RNF144A: variants seen among roughly 807,000 people sequenced by gnomAD.
RNF144A encodes ring finger protein 144A.
In RNF144A, 11 loss-of-function variants were observed where a neutral mutation model predicts 38.7. The observed-to-expected ratio is 0.28, with a 90% CI of 0.18 to 0.47. RNF144A has a LOEUF of 0.47. Ranked by LOEUF, RNF144A falls within the 20% of genes least tolerant of loss-of-function variation. The pLI, the probability that RNF144A is intolerant of heterozygous loss-of-function variation, is 0.99. For missense variants in RNF144A, 316 were observed against 377.2 expected (o/e 0.84, Z 1.34); for synonymous variants, 149 against 143.9 (o/e 1.04, Z -0.25).
At chr2:7,038,476 A>C (rs1672823728) in intron 8 of RNF144A, among the ~76,000 whole-genome samples, 1 of 152,036 alleles carries the variant, frequency 6.6e-6, no homozygotes, top group Non-Finnish European at 1.5e-5. Context: ...AGATGTATGC[A>C]CCTCTGTATT....
At chr2:7,072,520 A>G (rs1156650954), downstream of RNF144A, among the ~76,000 whole-genome samples, 2 of 152,236 alleles carry the variant, frequency 1.3e-5, no homozygotes, top group African/African-American at 4.8e-5. Flanking sequence ...ATGCACTTCT[A>G]TAAAAGGCCT....
chr2:7,056,755 C>A (rs1423348733), intron 6 of RNF144A, among the ~76,000 whole-genome samples: 1 of 152,068 alleles, frequency 6.6e-6, no homozygotes, highest in African/African-American at 2.4e-5. Context: ...TCCATGGTCT[C>A]CCCCCCAGTT....
intron 3 of RNF144A, among the ~76,000 whole-genome samples, chr2:7,001,987 A>T (rs1028615591): frequency 6.6e-6 from 1 of 152,262 alleles, no homozygotes; most frequent in Non-Finnish European, 1.5e-5. Context: ...GAGCAGTAGC[A>T]TGCCTGGTGA....
the RNF144A span, among the ~76,000 whole-genome samples, chr2:7,073,836 A>G: frequency 1.5e-4 from 23 of 152,192 alleles, no homozygotes; most frequent in African/African-American, 4.8e-4. Flanking sequence ...TAGCTCTTCA[A>G]CCCAGGCCCT....
downstream of RNF144A, among the ~76,000 whole-genome samples, chr2:7,048,384 A>G (rs900243982): frequency 3.3e-5 from 5 of 152,220 alleles, no homozygotes; most frequent in African/African-American, 1.2e-4. Context: ...TGGGACGTAA[A>G]CTATTATTAT....
intron 3 of RNF144A, among the ~76,000 whole-genome samples, chr2:7,013,610 T>G (rs1283100480): frequency 6.6e-6 from 1 of 152,234 alleles, no homozygotes; most frequent in Non-Finnish European, 1.5e-5. Flanking sequence ...GCTCTACATC[T>G]AGTTTCTCTT....
At chr2:6,942,155 T>G (rs190627619) in intron 2 of RNF144A, among the ~76,000 whole-genome samples, 1 of 152,304 alleles carries the variant, frequency 6.6e-6, no homozygotes, top group East Asian at 1.9e-4. Context: ...GGAGACCATC[T>G]CAGAGGACAT....
At position 6,983,071 on chromosome 2, in the gene RNF144A, G is replaced by C. The variant is rs117703627; in HGVS notation, c.-11-13845G>C. ...CAGTTTCCAGGTCCGTGAATAACTC[G>C]TGTGTTCTTCAATGGTATTTGCTGG... On this transcript the variant is annotated intron_variant, in intron 2 of 8. Coordinates refer to ENST00000320892, the MANE Select transcript of RNF144A (RefSeq NM_014746.6). Among the ~76,000 whole-genome samples, 226 of 152,284 alleles carry C rather than the reference G, an allele frequency of 1.5e-3. 5 individuals carry two copies. In the East Asian group the frequency reaches 0.04, roughly 27 times the overall value.
downstream of RNF144A, among the ~76,000 whole-genome samples, chr2:7,046,628 C>T (rs1198041970): frequency 6.6e-6 from 1 of 152,232 alleles, no homozygotes; most frequent in African/African-American, 2.4e-5. Flanking sequence ...CCACTCAGCA[C>T]TCCTGCTTCA....
chr2:7,027,191 T>C (rs1254532758), intron 7 of RNF144A, among the ~76,000 whole-genome samples: 1 of 152,196 alleles, frequency 6.6e-6, no homozygotes, highest in African/African-American at 2.4e-5. Flanking sequence ...TCGTGGTCCT[T>C]ACTGCCTCTC....
At chr2:6,991,484 T>C (rs1669370844) in intron 2 of RNF144A, among the ~76,000 whole-genome samples, 1 of 152,180 alleles carries the variant, frequency 6.6e-6, no homozygotes, top group Non-Finnish European at 1.5e-5. Flanking sequence ...CTTATATCTC[T>C]ACAAATCCAA....
At chr2:6,926,474 T>C (rs1664875285) in intron 1 of RNF144A, among the ~76,000 whole-genome samples, 2 of 152,206 alleles carry the variant, frequency 1.3e-5, no homozygotes, top group South Asian at 2.1e-4. Context: ...TTCCCTCTCT[T>C]ACCTGCTCTT....
intron 2 of RNF144A, among the ~76,000 whole-genome samples, chr2:6,990,351 T>G (rs895533105): frequency 4.0e-5 from 6 of 149,410 alleles, no homozygotes; most frequent in Non-Finnish European, 8.9e-5. Flanking sequence ...AACCTTAATT[T>G]AACCTTAATT....
At chr2:6,942,071 G>A (rs1666029383) in intron 2 of RNF144A, among the ~76,000 whole-genome samples, 1 of 152,274 alleles carries the variant, frequency 6.6e-6, no homozygotes, top group East Asian at 1.9e-4. Flanking sequence ...ACTGTAGAAG[G>A]TGGAGGAAAG....
intron 2 of RNF144A, among the ~76,000 whole-genome samples, chr2:6,942,511 T>C (rs1158393405): frequency 6.6e-6 from 1 of 152,170 alleles, no homozygotes; most frequent in Non-Finnish European, 1.5e-5. Context: ...CAGGGAAAAG[T>C]GGCCACATTC....
At chr2:7,048,877 C>T (rs921606312), downstream of RNF144A, among the ~76,000 whole-genome samples, 8 of 152,330 alleles carry the variant, frequency 5.3e-5, no homozygotes, top group Middle Eastern at 3.4e-3. Flanking sequence ...GCAGCTAAAA[C>T]ACAGCTGTCT....
intron 2 of RNF144A, among the ~76,000 whole-genome samples, chr2:6,968,543 A>G (rs1288075810): frequency 2.0e-5 from 3 of 152,212 alleles, no homozygotes; most frequent in Non-Finnish European, 2.9e-5. Flanking sequence ...CTGGGGGCCT[A>G]TGCCTGCTGG....
At chr2:7,024,232 G>T (rs1277385610) in intron 6 of RNF144A, 137 bp from the exon 7 acceptor site, 30 of 768,742 alleles carry the variant, frequency 3.9e-5, no homozygotes, top group South Asian at 1.7e-4. Context: ...TTGTTTTTTG[G>T]TTTTTGTTTT....
At chr2:6,967,344 T>C (rs1352491932) in intron 2 of RNF144A, among the ~76,000 whole-genome samples, 2 of 152,246 alleles carry the variant, frequency 1.3e-5, no homozygotes, top group Non-Finnish European at 2.9e-5. Flanking sequence ...TGTCGTCTGC[T>C]ACAGAAAACT....
Sources: gnomAD v4.1 joint callset for allele counts (sites outside exome capture counted in the v4.1 genomes callset) on GRCh38, gnomAD v4.1.1 for gene constraint, MANE v1.5 for transcripts, NCBI Gene and HGNC (gene_info 2026-07-23, HGNC 2026-07-21) for gene names.